The following MSN variants were observed in gnomAD, a reference collection of about 807,000 sequenced individuals.
The protein encoded by MSN is epididymis luminal protein 70.
Under a neutral mutation model 48.0 loss-of-function variants are expected in MSN, and 2 were observed. The ratio of observed to expected loss-of-function variants is 0.04; its 90% CI spans 0.02 to 0.13. MSN has a LOEUF of 0.13. Ranked by LOEUF, MSN falls within the 10% of genes least tolerant of loss-of-function variation. The pLI is 1.00. For missense variants in MSN, 267 were observed against 470.1 expected (o/e 0.57, Z 3.99); for synonymous variants, 146 against 166.9 (o/e 0.87, Z 0.97).
intron 1 of MSN, among the ~76,000 whole-genome samples, chrX:65,670,589 G>A (rs1464511415): frequency 1.8e-5 from 2 of 108,465 alleles, no homozygotes. Context: ...TGGGCGTGGT[G>A]GTGTGCGCCT....
At position 65,611,849 on chromosome X, in the gene MSN, A is replaced by G. The variant is rs144803820; in HGVS notation, c.-22+23237A>G. On this transcript the variant is annotated intron_variant, in intron 1 of 3. Transcript: ENST00000609672. Reference sequence around the variant, plus strand: ...CCCACCAACAGTTCACAGAAGCTCCAATTTCTCTATATCCTCACCAATACT... The same window carrying G: ...CCCACCAACAGTTCACAGAAGCTCCGATTTCTCTATATCCTCACCAATACT... Among the ~76,000 whole-genome samples the G allele has an allele frequency of 6.5e-3, 728 of 111,563 alleles. 6 individuals carry two copies. Among genetic ancestry groups the G allele is most frequent in the African/African-American group, 0.023 (702 of 30,606 alleles).
At chrX:65,737,401 C>G (rs1195218116) in intron 10 of MSN, 63 bp downstream of exon 10, 4 of 1,118,490 alleles carry the variant, frequency 3.6e-6, no homozygotes, top group African/African-American at 1.8e-5. Flanking sequence ...TGCCTACTTA[C>G]TTATAGCTAC....
At chrX:65,737,127 C>G in intron 9 of MSN, 51 bp from the exon 10 acceptor site, 1 of 1,166,422 alleles carries the variant, frequency 8.6e-7, no homozygotes, top group Non-Finnish European at 1.2e-6. Context: ...GCTATTGTGT[C>G]GTCTTTATCT....
intron 11 of MSN, 102 bp downstream of exon 11, chrX:65,738,719 TACTTC>T (rs1331662522): frequency 8.8e-5 from 70 of 794,169 alleles, no homozygotes; most frequent in Admixed American, 1.2e-4. Context: ...CCCTCTTTCA[TACTTC>T]CCACAGCAGG....
chrX:65,728,413 C>T (rs770455061), intron 3 of MSN, among the ~76,000 whole-genome samples: 1 of 111,496 alleles, frequency 9.0e-6, no homozygotes, highest in African/African-American at 3.3e-5. Flanking sequence ...CCTGCTTCAG[C>T]CTCTCGAGTA....
intron 1 of MSN, among the ~76,000 whole-genome samples, chrX:65,680,557 C>G (rs1285647608): frequency 9.0e-6 from 1 of 111,391 alleles, no homozygotes; most frequent in Non-Finnish European, 1.9e-5. Flanking sequence ...ATTGAAACCT[C>G]TTAGCATAGC....
chrX:65,670,539 A>AGGC (rs2070921645), intron 1 of MSN, among the ~76,000 whole-genome samples: 2 of 109,563 alleles, frequency 1.8e-5, no homozygotes, highest in Non-Finnish European at 3.8e-5. Flanking sequence ...CCTGACCAAC[A>AGGC]TGGTGAAACC....
intron 1 of MSN, among the ~76,000 whole-genome samples, chrX:65,689,427 A>G: frequency 8.9e-6 from 1 of 111,763 alleles, no homozygotes; most frequent in African/African-American, 3.2e-5. Context: ...GGAGGGGTGA[A>G]CAGGCATCAT....
intron 1 of MSN, among the ~76,000 whole-genome samples, chrX:65,695,081 C>T (rs866153351): frequency 1.0e-4 from 10 of 99,893 alleles, no homozygotes; most frequent in South Asian, 4.5e-4. Context: ...TGTGTGTCTG[C>T]GTGTGTGTGT....
At chrX:65,671,031 G>T (rs1361028114) in intron 1 of MSN, among the ~76,000 whole-genome samples, 1 of 95,231 alleles carries the variant, frequency 1.1e-5, no homozygotes, top group Non-Finnish European at 2.1e-5. Context: ...AGGCTTTCTT[G>T]GATTTCCTAA....
intron 7 of MSN, among the ~76,000 whole-genome samples, chrX:65,734,996 G>T (rs770972391): frequency 2.7e-4 from 30 of 112,068 alleles, no homozygotes; most frequent in African/African-American, 9.4e-4. Flanking sequence ...AAGATTGAAA[G>T]AAATTGTGGT....
chrX:65,683,711 G>C (rs1458260261), intron 1 of MSN, among the ~76,000 whole-genome samples: 1 of 110,815 alleles, frequency 9.0e-6, no homozygotes, highest in African/African-American at 3.3e-5. Flanking sequence ...AAAGTTAACA[G>C]ACACAATCTC....
chrX:65,707,062 C>T (rs1481727636), intron 1 of MSN, among the ~76,000 whole-genome samples: 1 of 111,397 alleles, frequency 9.0e-6, no homozygotes, highest in Non-Finnish European at 1.9e-5. Context: ...GGCTACAGCT[C>T]ACCTGGGTGC....
chrX:65,592,138 G>A (rs2070151815), intron 1 of MSN, among the ~76,000 whole-genome samples: 1 of 107,208 alleles, frequency 9.3e-6, no homozygotes, highest in Non-Finnish European at 1.9e-5. Flanking sequence ...AAGCAGATGC[G>A]GGTCAGTCAG....
chrX:65,647,556 G>C (rs2070704106), intron 1 of MSN, among the ~76,000 whole-genome samples: 1 of 112,500 alleles, frequency 8.9e-6, no homozygotes, highest in Admixed American at 9.5e-5. Flanking sequence ...CCTGACATAT[G>C]GTGGGTTTTA....
intron 1 of MSN, among the ~76,000 whole-genome samples, chrX:65,682,128 G>A (rs1174896141): frequency 1.8e-5 from 2 of 111,809 alleles, no homozygotes; most frequent in African/African-American, 6.5e-5. Flanking sequence ...ATAGGTAGAA[G>A]TGTAGAAGCT....
chrX:65,614,680 T>A (rs889941932), intron 1 of MSN, among the ~76,000 whole-genome samples: 3 of 101,706 alleles, frequency 2.9e-5, no homozygotes, highest in African/African-American at 4.0e-5. Flanking sequence ...TTTTTTTTTC[T>A]TTTATTTATT....
At chrX:65,705,804 A>C (rs888342823) in intron 1 of MSN, among the ~76,000 whole-genome samples, 1 of 111,770 alleles carries the variant, frequency 8.9e-6, no homozygotes, top group African/African-American at 3.3e-5. Flanking sequence ...GGGCTGGGTC[A>C]AAACAAATGA....
chrX:65,601,863 G>A (rs764208006), intron 1 of MSN, among the ~76,000 whole-genome samples: 7 of 112,045 alleles, frequency 6.2e-5, no homozygotes, highest in Non-Finnish European at 1.1e-4. Flanking sequence ...GGGACTCATT[G>A]CCCAGGCCAG....
Sources: gnomAD v4.1 joint callset for allele counts (sites outside exome capture counted in the v4.1 genomes callset) on GRCh38, gnomAD v4.1.1 for gene constraint, MANE v1.5 for transcripts, NCBI Gene and HGNC (gene_info 2026-07-23, HGNC 2026-07-21) for gene names.